MAPK10: variants seen among roughly 807,000 people sequenced by gnomAD.
The protein encoded by MAPK10 is mitogen-activated protein kinase 10, also known as JNK3 alpha protein kinase.
In MAPK10, 25 loss-of-function variants were observed where a neutral mutation model predicts 59.3. That is an observed-to-expected ratio of 0.42 (90% CI 0.31 to 0.59). MAPK10 has a LOEUF of 0.59. MAPK10 is among the 20% of genes least tolerant of loss of function. The pLI, the probability that MAPK10 is intolerant of heterozygous loss-of-function variation, is 0.15. For synonymous variants in MAPK10, 190 were observed against 200.5 expected (o/e 0.95, Z 0.44); for missense variants, 351 against 568.9 (o/e 0.62, Z 3.90).
intron 1 of MAPK10, among the ~76,000 whole-genome samples, chr4:86,495,996 A>G (rs1251022724): frequency 6.6e-6 from 1 of 152,250 alleles, no homozygotes; most frequent in Non-Finnish European, 1.5e-5. Flanking sequence ...GCCAGAAGAT[A>G]TTACATAAAC....
chr4:86,381,324 G>T (rs1015144414), intron 1 of MAPK10, among the ~76,000 whole-genome samples: 22 of 152,108 alleles, frequency 1.4e-4, no homozygotes, highest in Non-Finnish European at 1.0e-4. Context: ...ACACGTGTTT[G>T]CCTTCTCTCT....
At chr4:86,411,232 G>A (rs906896927) in intron 1 of MAPK10, among the ~76,000 whole-genome samples, 4 of 152,156 alleles carry the variant, frequency 2.6e-5, no homozygotes, top group Non-Finnish European at 5.9e-5. Context: ...TCTTAATCCC[G>A]AATTCTAATT....
rs540093755 is a variant in MAPK10, at chr4:86,058,046, C to T, written c.1110+6220G>A. 2.0e-4 allele frequency among the ~76,000 whole-genome samples: 30 copies of T among 149,778 alleles called. 2 individuals are homozygous for T. Among genetic ancestry groups the T allele is most frequent in the African/African-American group, 7.0e-4 (28 of 39,980 alleles). Reference sequence around the variant, plus strand: ...AGGAAGTGCACATTCAGTGGAAACCCCAATGAGAAATACGCTTCTGCCAAG... The same window carrying T: ...AGGAAGTGCACATTCAGTGGAAACCTCAATGAGAAATACGCTTCTGCCAAG... On this transcript the variant is annotated intron_variant, in intron 11 of 13. Transcript: ENST00000641462.
chr4:86,364,812 T>G (rs967023675), upstream of MAPK10, among the ~76,000 whole-genome samples: 1 of 151,956 alleles, frequency 6.6e-6, no homozygotes, highest in African/African-American at 2.4e-5. Flanking sequence ...AAACCCTGTC[T>G]CTACTAAAAA....
chr4:86,476,111 A>G (rs1478536335), intron 1 of MAPK10, among the ~76,000 whole-genome samples: 2 of 151,976 alleles, frequency 1.3e-5, no homozygotes, highest in East Asian at 3.9e-4. Flanking sequence ...TCTGTTACCA[A>G]TGTGACTTAT....
intron 1 of MAPK10, among the ~76,000 whole-genome samples, chr4:86,582,119 C>T (rs757164102): frequency 1.3e-5 from 2 of 151,018 alleles, no homozygotes; most frequent in African/African-American, 2.4e-5. Context: ...TACAAGAAAT[C>T]GTTTATTGTT....
At chr4:86,487,346 T>A (rs1022816409) in intron 1 of MAPK10, among the ~76,000 whole-genome samples, 6 of 104,112 alleles carry the variant, frequency 5.8e-5, no homozygotes, top group African/African-American at 2.2e-4. Context: ...AAATAGTTCA[T>A]AAAAGAGAGA....
At chr4:86,034,544 C>T (rs2039782979) in intron 11 of MAPK10, among the ~76,000 whole-genome samples, 1 of 152,086 alleles carries the variant, frequency 6.6e-6, no homozygotes. Context: ...TGTATTCATT[C>T]AGTAAAGGTC....
upstream of MAPK10, among the ~76,000 whole-genome samples, chr4:86,361,362 C>T (rs907822156): frequency 3.3e-5 from 5 of 152,130 alleles, no homozygotes; most frequent in South Asian, 8.3e-4. Flanking sequence ...TCAATCAAGA[C>T]TATCTTCTAG....
intron 1 of MAPK10, among the ~76,000 whole-genome samples, chr4:86,485,202 A>G (rs779565643): frequency 2.0e-5 from 3 of 152,172 alleles, no homozygotes; most frequent in Non-Finnish European, 4.4e-5. Flanking sequence ...AGATCCCAGC[A>G]TGAAGATCAT....
chr4:86,536,986 G>C (rs766460591), intron 1 of MAPK10, among the ~76,000 whole-genome samples: 3 of 152,120 alleles, frequency 2.0e-5, no homozygotes, highest in Non-Finnish European at 4.4e-5. Context: ...ATCTGCATAG[G>C]AGAAGGCCTA....
In MAPK10 at chr4:86,506,727, C is replaced by T. The variant is rs190552654; in HGVS notation, c.-263+87183G>A. 1.3e-4 allele frequency among the ~76,000 whole-genome samples: 20 copies of T among 152,178 alleles called. 1 individual carries two copies. Among genetic ancestry groups the T allele is most frequent in the African/African-American group, 4.8e-4 (20 of 41,530 alleles). On this transcript the variant is annotated intron_variant, in intron 1 of 4. Transcript: ENST00000502302. ...CTAATCTAGCTGGAAACTCCAGGAGCCAGTGTCGACTCAAAGGTCAAGAGG... is the reference window on the plus strand; with the variant it reads ...CTAATCTAGCTGGAAACTCCAGGAGTCAGTGTCGACTCAAAGGTCAAGAGG...
upstream of MAPK10, among the ~76,000 whole-genome samples, chr4:86,363,809 G>T (rs1737385657): frequency 6.6e-6 from 1 of 151,944 alleles, no homozygotes; most frequent in Non-Finnish European, 1.5e-5. Flanking sequence ...TTGAGACAGG[G>T]TCTCACTCTG....
At chr4:86,086,592 C>A (rs1238494716) in intron 9 of MAPK10, among the ~76,000 whole-genome samples, 1 of 151,886 alleles carries the variant, frequency 6.6e-6, no homozygotes, top group Admixed American at 6.6e-5. Flanking sequence ...ATTCCAAGAG[C>A]TTTTAGAAAT....
chr4:86,066,768 A>G (rs1228408584), intron 10 of MAPK10, among the ~76,000 whole-genome samples: 3 of 149,958 alleles, frequency 2.0e-5, no homozygotes, highest in African/African-American at 7.3e-5. Flanking sequence ...AAAAAAAAAA[A>G]AAAAAAAGAA....
intron 1 of MAPK10, among the ~76,000 whole-genome samples, chr4:86,424,016 G>A (rs915991624): frequency 6.6e-6 from 1 of 151,798 alleles, no homozygotes; most frequent in Admixed American, 6.6e-5. Context: ...GCCTGTAAGA[G>A]ATCATTCCAT....
intron 1 of MAPK10, among the ~76,000 whole-genome samples, chr4:86,522,231 T>C (rs1757161462): frequency 6.6e-6 from 1 of 152,186 alleles, no homozygotes; most frequent in Non-Finnish European, 1.5e-5. Flanking sequence ...TGTGTTTTGA[T>C]GGCAATTAAA....
intron 1 of MAPK10, among the ~76,000 whole-genome samples, chr4:86,489,325 C>G (rs193270177): frequency 6.6e-6 from 1 of 152,068 alleles, no homozygotes. Context: ...TCAAAGTAGG[C>G]GCTGCTCTCC....
chr4:86,352,713 T>A (rs1732205321), intron 2 of MAPK10, among the ~76,000 whole-genome samples: 1 of 152,232 alleles, frequency 6.6e-6, no homozygotes, highest in East Asian at 1.9e-4. Flanking sequence ...TTTGTTTACA[T>A]GATGTTTGAT....
Sources: gnomAD v4.1 joint callset for allele counts (sites outside exome capture counted in the v4.1 genomes callset) on GRCh38, gnomAD v4.1.1 for gene constraint, MANE v1.5 for transcripts, NCBI Gene and HGNC (gene_info 2026-07-23, HGNC 2026-07-21) for gene names.